ARRB1: variants seen among roughly 807,000 people sequenced by gnomAD.
ARRB1 encodes the protein arrestin beta 1.
Under a neutral mutation model 56.8 loss-of-function variants are expected in ARRB1, and 21 were observed. That is an observed-to-expected ratio of 0.37 (90% CI 0.26 to 0.53). The LOEUF (loss-of-function observed/expected upper bound fraction) is 0.53. Ranked by LOEUF, ARRB1 falls within the 20% of genes least tolerant of loss-of-function variation. The probability of loss-of-function intolerance (pLI) is 0.88; values close to 1 mark genes in which losing one functional copy is unlikely to be tolerated. For synonymous variants in ARRB1, 210 were observed against 218.6 expected, an observed-to-expected ratio of 0.96 and a Z score of 0.35; for missense variants, 424 against 553.7, an observed-to-expected ratio of 0.77 and a Z score of 2.35.
At chr11:75,281,894 A>C in intron 6 of ARRB1, 68 bp downstream of exon 6, 1 of 1,516,164 alleles carries the variant, frequency 6.6e-7, no homozygotes, top group East Asian at 2.3e-5. Context: ...CCTCCCAGGG[A>C]GAAAGCCAGG....
At chr11:75,306,967 T>C (rs565073676) in intron 1 of ARRB1, among the ~76,000 whole-genome samples, 6 of 152,260 alleles carry the variant, frequency 3.9e-5, no homozygotes, top group Admixed American at 3.3e-4. Flanking sequence ...CAAGTTTCCC[T>C]TCCAGCCTGG....
chr11:75,318,154 T>C (rs1947293129), intron 1 of ARRB1, among the ~76,000 whole-genome samples: 1 of 104,976 alleles, frequency 9.5e-6, no homozygotes, highest in African/African-American at 3.3e-5. Flanking sequence ...TAACTTTTTT[T>C]TTTTTTTTTT....
chr11:75,320,230 C>T (rs558972484), intron 1 of ARRB1, among the ~76,000 whole-genome samples: 3 of 152,264 alleles, frequency 2.0e-5, no homozygotes, highest in Admixed American at 6.5e-5. Flanking sequence ...CACAGAAGCC[C>T]CAGGCCGGAG....
intron 7 of ARRB1, among the ~76,000 whole-genome samples, 174 bp from the exon 8 acceptor site, chr11:75,278,918 C>T (rs1946262688): frequency 6.6e-6 from 1 of 152,252 alleles, no homozygotes; most frequent in African/African-American, 2.4e-5. Flanking sequence ...GGCTCCATTC[C>T]ATCCTCCCCT....
chr11:75,315,918 C>T (rs534259551), intron 1 of ARRB1, among the ~76,000 whole-genome samples: 1 of 152,318 alleles, frequency 6.6e-6, no homozygotes, highest in African/African-American at 2.4e-5. Context: ...CACGCCACCC[C>T]TACTCTATGA....
At chr11:75,294,321 C>A (rs1363003678) in intron 1 of ARRB1, among the ~76,000 whole-genome samples, 1 of 151,990 alleles carries the variant, frequency 6.6e-6, no homozygotes, top group Non-Finnish European at 1.5e-5. Context: ...GTAATCCCAG[C>A]CGAGGTGGGA....
At chr11:75,325,481 C>A (rs572168302) in intron 1 of ARRB1, among the ~76,000 whole-genome samples, 2 of 152,280 alleles carry the variant, frequency 1.3e-5, no homozygotes, top group East Asian at 3.9e-4. Flanking sequence ...ACCACCACAT[C>A]CAGCTAACTT....
At chr11:75,332,853 C>T (rs528799668) in intron 1 of ARRB1, among the ~76,000 whole-genome samples, 10 of 152,178 alleles carry the variant, frequency 6.6e-5, no homozygotes, top group Non-Finnish European at 1.2e-4. Flanking sequence ...TGAGATCGCG[C>T]CACTGCACTC....
At chr11:75,277,590 G>A in intron 8 of ARRB1, 142 bp from the exon 9 acceptor site, 1 of 721,426 alleles carries the variant, frequency 1.4e-6, no homozygotes. Context: ...GCTCCCATCT[G>A]AAGTCCATCA....
chr11:75,294,450 G>A (rs970567871), intron 1 of ARRB1, among the ~76,000 whole-genome samples: 8 of 151,934 alleles, frequency 5.3e-5, no homozygotes, highest in Non-Finnish European at 8.8e-5. Flanking sequence ...CCAGCTATTC[G>A]GGAGGCTGAG....
chr11:75,305,412 G>A (rs2140471523), intron 1 of ARRB1, among the ~76,000 whole-genome samples: 1 of 152,024 alleles, frequency 6.6e-6, no homozygotes, highest in South Asian at 2.1e-4. Context: ...TACCCTCAAG[G>A]GTATTTATGC....
intron 7 of ARRB1, among the ~76,000 whole-genome samples, chr11:75,280,609 T>A (rs1039488744): frequency 6.6e-6 from 1 of 152,160 alleles, no homozygotes; most frequent in South Asian, 2.1e-4. Context: ...TCCCTGTCAC[T>A]CTCCCCTGGA....
intron 1 of ARRB1, among the ~76,000 whole-genome samples, chr11:75,342,919 G>A (rs193268952): frequency 6.6e-6 from 1 of 152,122 alleles, no homozygotes; most frequent in Non-Finnish European, 1.5e-5. Context: ...CTGCCCTTTA[G>A]GTCACAAAGA....
chr11:75,322,514 AAAC>A (rs886199400), intron 1 of ARRB1, among the ~76,000 whole-genome samples: 3 of 152,118 alleles, frequency 2.0e-5, no homozygotes, highest in Non-Finnish European at 2.9e-5. Flanking sequence ...TCAAAAAACA[AAAC>A]AACAACAACA....
chr11:75,285,771 G>A (rs890953042), intron 3 of ARRB1, among the ~76,000 whole-genome samples: 1 of 152,156 alleles, frequency 6.6e-6, no homozygotes, highest in Non-Finnish European at 1.5e-5. Context: ...GGGTGCCTGC[G>A]TGTGTTGGGG....
chr11:75,309,578 C>A (rs963935264), intron 1 of ARRB1, among the ~76,000 whole-genome samples: 1 of 152,160 alleles, frequency 6.6e-6, no homozygotes, highest in Non-Finnish European at 1.5e-5. Context: ...TTGGGCAGGT[C>A]CTTGTCCATC....
intron 13 of ARRB1, among the ~76,000 whole-genome samples, chr11:75,270,233 C>G (rs1381483320): frequency 2.0e-5 from 3 of 152,226 alleles, no homozygotes; most frequent in Non-Finnish European, 4.4e-5. Context: ...GTGATCCTAG[C>G]ACTTTGGGAG....
chr11:75,273,962 G>A (rs1434344219), intron 11 of ARRB1, 112 bp downstream of exon 11: 2 of 1,518,320 alleles, frequency 1.3e-6, no homozygotes, highest in Non-Finnish European at 9.0e-7. Context: ...CCCTGACAAG[G>A]CTATGGAGAG....
Position 75,264,006 on chromosome 11 carries a change from T to G in ARRB1, c.*2157A>C, listed in dbSNP as rs971603549. Reference sequence around the variant, plus strand: ...AGGGCATATGTTTGCCATGCATTGCTCCAGCATTTCATCAGCTCTGCGCCT... The same window carrying G: ...AGGGCATATGTTTGCCATGCATTGCGCCAGCATTTCATCAGCTCTGCGCCT... On this transcript the variant is annotated 3_prime_UTR_variant, in exon 16 of 16. Transcript: ENST00000420843. Among the ~76,000 whole-genome samples, 1 of 152,212 alleles carries G rather than the reference T, an allele frequency of 6.6e-6. No individual in the cohort carries two copies. The highest frequency in any genetic ancestry group is 1.5e-5 in the Non-Finnish European group (1 of 68,032).
Sources: allele counts gnomAD v4.1 joint callset (sites outside exome capture counted in the v4.1 genomes callset), GRCh38; gene constraint gnomAD v4.1.1; transcripts MANE v1.5; gene names NCBI Gene and HGNC (gene_info 2026-07-23, HGNC 2026-07-21).